PAX7: variants seen among roughly 807,000 people sequenced by gnomAD.
The protein encoded by PAX7 is paired box 7, also known as paired box protein Pax-7.
Under a neutral mutation model 50.7 loss-of-function variants are expected in PAX7, and 18 were observed. The ratio of observed to expected loss-of-function variants is 0.36; its 90% confidence interval spans 0.25 to 0.53. PAX7 has a LOEUF of 0.53. Ranked by LOEUF, PAX7 falls within the 20% of genes least tolerant of loss-of-function variation. The probability of loss-of-function intolerance (pLI) is 0.93; values close to 1 mark genes in which losing one functional copy is unlikely to be tolerated. For missense variants in PAX7, 644 were observed against 702.9 expected (o/e 0.92, Z 0.95); for synonymous variants, 310 against 290.4 (o/e 1.07, Z -0.69).
Position 18,735,902 on chromosome 1 carries a change from T to A in PAX7, c.1402+24T>A, listed in dbSNP as rs1557560506. 1 of 1,613,832 alleles carries A rather than the reference T, an allele frequency of 6.2e-7. No individual in the cohort carries two copies. The highest frequency in any genetic ancestry group is 1.6e-4 in the Middle Eastern group (1 of 6,062). ...GAGTGAGTGCCTGGTGCCCTGGGCG[T>A]CCCCCGTCCCCATTCCTTCTCCCAC... On this transcript the variant is annotated intron_variant, in intron 8 of 8. Transcript: ENST00000420770. This position sits in a 1 kb window ranked among gnomAD's most constrained non-coding sequence, Gnocchi z 4.0.
Position 18,747,753 on chromosome 1 carries a change from G to A in PAX7, c.*2824G>A, listed in dbSNP as rs1030256216. 2 of 198,546 alleles carry A rather than the reference G, an allele frequency of 1.0e-5. No individual in the cohort carries two copies. The highest frequency in any genetic ancestry group is 7.8e-5 in the East Asian group (1 of 12,896). 12.3% of individuals were successfully genotyped at this position (198,546 alleles called of 1,614,324 possible). On this transcript the variant is annotated 3_prime_UTR_variant, in exon 9 of 9. Coordinates refer to ENST00000420770, the MANE Select transcript of PAX7 (RefSeq NM_001135254.2). ...TCTCTTCTGAGTTCATTGTACAATA[G>A]TTGGAAACGTGGTGATGTGCTGTTC...
Position 18,663,737 on chromosome 1 carries a change from G to T in PAX7, c.586+27366G>T, listed in dbSNP as rs373056268. 1.9e-4 allele frequency among the ~76,000 whole-genome samples: 29 copies of T among 152,324 alleles called. No homozygotes were observed. The East Asian group carries it at 2.7e-3, about 14-fold the overall frequency. ...CTCTCAATCCTCTAGGATAATTTGG[G>T]GTACGTGGAGGAACTGGCCGTATCC... On this transcript the variant is annotated intron_variant, in intron 4 of 8. Coordinates refer to ENST00000420770, the MANE Select transcript of PAX7 (RefSeq NM_001135254.2).
chr1:18,686,472 T>C (rs1176934912), intron 4 of PAX7, among the ~76,000 whole-genome samples: 2 of 152,100 alleles, frequency 1.3e-5, no homozygotes, highest in Non-Finnish European at 2.9e-5. Context: ...CTGGCTGCCG[T>C]TTAATGAATG....
Position 18,685,907 on chromosome 1 carries a change from A to ATCACCG in PAX7, c.587-5842_587-5841insGTCACC, listed in dbSNP as rs111268859. Among the ~76,000 whole-genome samples, 263 of 152,162 alleles carry ATCACCG rather than the reference A, an allele frequency of 1.7e-3. 2 individuals are homozygous for ATCACCG. The highest frequency in any genetic ancestry group is 6.0e-3 in the African/African-American group (248 of 41,508). ...CCCCAGCAACCTTCCATCCATCACC[A>ATCACCG]TCACCATCACCATCACCATCACCAT... is the stretch of plus-strand genomic sequence containing the variant. On this transcript the variant is annotated intron_variant, in intron 4 of 8. Coordinates refer to ENST00000420770, the MANE Select transcript of PAX7 (RefSeq NM_001135254.2).
At chr1:18,638,719 G>T (rs1234976502) in intron 4 of PAX7, among the ~76,000 whole-genome samples, 3 of 152,122 alleles carry the variant, frequency 2.0e-5, no homozygotes, top group Non-Finnish European at 4.4e-5. Flanking sequence ...GGGTGTGAAT[G>T]GGCAATATGA....
chr1:18,744,227 G>T (rs747034843), intron 8 of PAX7, among the ~76,000 whole-genome samples: 48 of 152,182 alleles, frequency 3.2e-4, no homozygotes, highest in Admixed American at 6.5e-4. Flanking sequence ...TGCACTCAGG[G>T]ATTCACAGGG....
At chr1:18,742,147 T>G (rs567878490) in intron 8 of PAX7, among the ~76,000 whole-genome samples, 1 of 95,746 alleles carries the variant, frequency 1.0e-5, no homozygotes, top group East Asian at 2.8e-4. Flanking sequence ...GAATGAGGCT[T>G]CTTTTTTTTT....
intron 7 of PAX7, among the ~76,000 whole-genome samples, chr1:18,731,745 C>G (rs1475601752): frequency 1.3e-5 from 2 of 152,130 alleles, no homozygotes; most frequent in Non-Finnish European, 2.9e-5. Flanking sequence ...GCACATCCTC[C>G]ATTCACACCC....
chr1:18,744,927 T>C lies in PAX7; in HGVS notation c.1516T>C (p.Ter506GlnextTer17). 2 of 1,533,702 alleles carry C rather than the reference T, an allele frequency of 1.3e-6. No homozygotes were observed. The highest frequency in any genetic ancestry group is 1.8e-6 in the Non-Finnish European group (2 of 1,130,086). The change falls in exon 9 of 9, where the codon TAG becomes CAG. Residue 506 changes from the stop codon to glutamine, a stop_lost. Transcript: ENST00000420770. ...LLPVETGQAY[*>Q] ...GCCTGTGGAAACTGGCCAGGCCTAC[T>C]AGGGCCCCTGGGGCGACTTGCCCCA...
At chr1:18,645,275 G>C (rs544337397) in intron 4 of PAX7, among the ~76,000 whole-genome samples, 1 of 152,228 alleles carries the variant, frequency 6.6e-6, no homozygotes. Flanking sequence ...ACGGGTTCGA[G>C]GGAGAGGCGG....
In PAX7 at chr1:18,634,237, C is replaced by A; in HGVS notation, c.86-66C>A. ...AACAAAACTGGAGTCAGGGAGTGTA[C>A]TCAGTGTCTGCTCTCCATCCTCACC... On this transcript the variant is annotated intron_variant, in intron 1 of 8. Transcript: ENST00000420770. This position sits in a 1 kb window ranked among gnomAD's most constrained non-coding sequence, Gnocchi z 4.0. 1 of 1,300,636 alleles carries A rather than the reference C, an allele frequency of 7.7e-7. No individual in the cohort carries two copies. The highest frequency in any genetic ancestry group is 1.1e-6 in the Non-Finnish European group (1 of 923,838). 80.6% of individuals were successfully genotyped at this position (1,300,636 alleles called of 1,614,324 possible).
intron 4 of PAX7, among the ~76,000 whole-genome samples, chr1:18,670,122 G>A (rs1014648585): frequency 8.0e-5 from 12 of 150,394 alleles, no homozygotes; most frequent in African/African-American, 2.7e-4. Flanking sequence ...ACAGCTCCTG[G>A]TACATAGGAA....
chr1:18,697,791 T>A (rs955107250), intron 5 of PAX7, among the ~76,000 whole-genome samples: 2 of 152,164 alleles, frequency 1.3e-5, no homozygotes, highest in African/African-American at 4.8e-5. Context: ...TCTGAGCTCC[T>A]TACCCAACCT....
intron 5 of PAX7, among the ~76,000 whole-genome samples, chr1:18,695,212 A>T (rs1446497754): frequency 1.4e-5 from 2 of 144,400 alleles, no homozygotes; most frequent in Non-Finnish European, 3.0e-5. Context: ...TACATGTAAA[A>T]AAAAAAAGAA....
chr1:18,650,848 AC>A (rs1033101958), intron 4 of PAX7, among the ~76,000 whole-genome samples: 3 of 152,124 alleles, frequency 2.0e-5, no homozygotes, highest in African/African-American at 7.2e-5. Flanking sequence ...TGTTACGGTC[AC>A]CTGTCCCTAC....
At chr1:18,696,752 C>A (rs192479042) in intron 5 of PAX7, among the ~76,000 whole-genome samples, 34 of 151,478 alleles carry the variant, frequency 2.2e-4, no homozygotes, top group African/African-American at 7.8e-4. Flanking sequence ...GAGGCTGGGG[C>A]GGGTAGTGGG....
rs779982527 is a variant in PAX7, at chr1:18,735,972, C to G, written c.1402+94C>G. On this transcript the variant is annotated intron_variant, in intron 8 of 8. Coordinates refer to ENST00000420770, the MANE Select transcript of PAX7 (RefSeq NM_001135254.2). The surrounding 1 kb of genome is among the most constrained non-coding windows in gnomAD (Gnocchi z 4.0). ...TTTATGGAGAGCTACAAGGTGGTGT[C>G]AGGGTGGGGAATGTCCATTTCACAG... 1 of 1,613,656 alleles carries G rather than the reference C, an allele frequency of 6.2e-7. No individual in the cohort carries two copies. The highest frequency in any genetic ancestry group is 8.5e-7 in the Non-Finnish European group (1 of 1,179,882).
At chr1:18,672,596 G>GTTTTTT (rs1034079316) in intron 4 of PAX7, among the ~76,000 whole-genome samples, 17 of 125,840 alleles carry the variant, frequency 1.4e-4, no homozygotes, top group East Asian at 5.3e-4. Flanking sequence ...AGAGCACTGT[G>GTTTTTT]TTTTTTTTTT....
Position 18,735,913 on chromosome 1 carries a change from C to T in PAX7, c.1402+35C>T. 1 of 1,614,036 alleles carries T rather than the reference C, an allele frequency of 6.2e-7. No individual in the cohort carries two copies. Among genetic ancestry groups the T allele is most frequent in the Non-Finnish European group, 8.5e-7 (1 of 1,180,032 alleles). ...TGGTGCCCTGGGCGTCCCCCGTCCCCATTCCTTCTCCCACCCCCAGGGCCT... is the reference window on the plus strand; with the variant it reads ...TGGTGCCCTGGGCGTCCCCCGTCCCTATTCCTTCTCCCACCCCCAGGGCCT... On this transcript the variant is annotated intron_variant, in intron 8 of 8. Coordinates refer to ENST00000420770, the MANE Select transcript of PAX7 (RefSeq NM_001135254.2). This position sits in a 1 kb window ranked among gnomAD's most constrained non-coding sequence, Gnocchi z 4.0.
Sources: gnomAD v4.1 joint callset for allele counts (sites outside exome capture counted in the v4.1 genomes callset) on GRCh38, gnomAD v4.1.1 for gene constraint, Gnocchi (gnomAD v3.1) non-coding constraint, MANE v1.5 for transcripts, NCBI Gene and HGNC (gene_info 2026-07-23, HGNC 2026-07-21) for gene names.